Variants in GLDC observed in about 807,000 individuals in gnomAD.
The protein encoded by GLDC is glycine dehydrogenase (decarboxylating), mitochondrial.
In GLDC, 104 loss-of-function variants were observed where a neutral mutation model predicts 121.3. That is an observed-to-expected ratio of 0.86 (90% confidence interval 0.73 to 1.01). The LOEUF is 1.01. Ranked by LOEUF, GLDC falls within the 50% of genes least tolerant of loss-of-function variation. The probability of loss-of-function intolerance (pLI) is 0.00; values close to 1 mark genes in which losing one functional copy is unlikely to be tolerated. For missense variants in GLDC, 1,429 were observed against 1,306.6 expected, an observed-to-expected ratio of 1.09 and a Z score of -1.44; for synonymous variants, 546 against 480.6, an observed-to-expected ratio of 1.14 and a Z score of -1.78.
intron 22 of GLDC, among the ~76,000 whole-genome samples, chr9:6,539,434 A>AC (rs1262548901): frequency 6.6e-6 from 1 of 152,136 alleles, no homozygotes; most frequent in Non-Finnish European, 1.5e-5. Context: ...AGCTGAGATC[A>AC]CATCACTGCA....
intron 11 of GLDC, 43 bp from the exon 12 acceptor site, chr9:6,589,335 G>A: frequency 8.3e-7 from 1 of 1,207,912 alleles, no homozygotes. Flanking sequence ...AACTGTGCCT[G>A]GAGCCACATG....
At chr9:6,607,580 T>TTAAA (rs368698305) in intron 4 of GLDC, among the ~76,000 whole-genome samples, 1 of 152,098 alleles carries the variant, frequency 6.6e-6, no homozygotes. Flanking sequence ...AGACTCTGTC[T>TTAAA]TAAATAAATA....
At chr9:6,599,524 C>A (rs189265250) in intron 8 of GLDC, among the ~76,000 whole-genome samples, 151 of 152,084 alleles carry the variant, frequency 9.9e-4, no homozygotes, top group Non-Finnish European at 1.6e-3. Context: ...AGTTCGAGAC[C>A]AGCCTGACCA....
intron 7 of GLDC, among the ~76,000 whole-genome samples, chr9:6,603,033 G>T (rs1216391861): frequency 1.3e-5 from 2 of 152,038 alleles, no homozygotes; most frequent in Non-Finnish European, 2.9e-5. Context: ...TTTGAGACCA[G>T]CCTGGCCAAC....
At chr9:6,643,534 A>ATT (rs35783846) in intron 2 of GLDC, among the ~76,000 whole-genome samples, 140 of 150,732 alleles carry the variant, frequency 9.3e-4, no homozygotes, top group African/African-American at 3.2e-3. Context: ...ACCAGATGAG[A>ATT]TTTTTTTTAA....
chr9:6,534,900 T>G (rs1201959662), intron 23 of GLDC, 112 bp from the exon 24 acceptor site: 5 of 709,912 alleles, frequency 7.0e-6, no homozygotes, highest in Admixed American at 2.0e-5. Context: ...AGAAAGCTGT[T>G]GTTTTCTTTC....
At chr9:6,620,099 T>C (rs1365269027) in intron 3 of GLDC, 85 bp downstream of exon 3, 1 of 1,365,526 alleles carries the variant, frequency 7.3e-7, no homozygotes, top group Admixed American at 1.7e-5. Context: ...GTGTGGAGGC[T>C]CTGAGACTGC....
Position 6,605,173 on chromosome 9 carries a change from C to T in GLDC, c.819G>A (p.Val273=), listed in dbSNP as rs2129898179. 1 of 1,613,474 alleles carries T rather than the reference C, an allele frequency of 6.2e-7. No individual in the cohort carries two copies. The highest frequency in any genetic ancestry group is 8.5e-7 in the Non-Finnish European group (1 of 1,179,916). ...TCTCCACGAGTTCCGTAAAGTCTTC[C>T]ACCTTCCCCTCCGTGTCTGGGTACT... is the stretch of plus-strand genomic sequence containing the variant. ...LFQYPDTEGK[V]EDFTELVERA... The change falls in exon 6 of 25, where the codon GTG becomes GTA. Residue 273 remains valine (V), a synonymous_variant. Transcript: ENST00000321612.
intron 17 of GLDC, chr9:6,558,138 T>G: frequency 3.5e-6 from 1 of 287,716 alleles, no homozygotes; most frequent in East Asian, 6.8e-5. Flanking sequence ...GAAACCAAGC[T>G]GCATGATGCC....
intron 19 of GLDC, 39 bp downstream of exon 19, chr9:6,554,630 T>C: frequency 7.2e-7 from 1 of 1,391,320 alleles, no homozygotes; most frequent in Non-Finnish European, 1.0e-6. Flanking sequence ...CTTCATTCTG[T>C]CTCCAAAGCC....
intron 15 of GLDC, chr9:6,569,296 G>T (rs527310005): frequency 1.3e-5 from 2 of 152,170 alleles, no homozygotes; most frequent in African/African-American, 4.8e-5. Flanking sequence ...AAATTTTAAA[G>T]ATTTTAAAAA....
chr9:6,601,282 C>T (rs908932732), intron 8 of GLDC, among the ~76,000 whole-genome samples: 27 of 152,218 alleles, frequency 1.8e-4, no homozygotes, highest in African/African-American at 6.3e-4. Flanking sequence ...TTGCCTTCCT[C>T]AACCCATTCC....
At chr9:6,644,389 C>T in intron 2 of GLDC, 1 of 601,324 alleles carries the variant, frequency 1.7e-6, no homozygotes, top group East Asian at 2.8e-5. Context: ...AGGATAAAGA[C>T]CAAGAACCGC....
chr9:6,639,669 G>GTGTATATATATATATATATATATATA (rs1790395330), intron 2 of GLDC: 1 of 212,444 alleles, frequency 4.7e-6, no homozygotes, highest in East Asian at 1.4e-4. Context: ...TAAAAAAAAA[G>GTGTATATATATATATATATATATATA]TATATATATA....
intron 3 of GLDC, among the ~76,000 whole-genome samples, chr9:6,619,564 C>T (rs1198833847): frequency 2.0e-5 from 3 of 152,092 alleles, no homozygotes; most frequent in East Asian, 1.9e-4. Flanking sequence ...CCCATCTCTA[C>T]TAAAAATACA....
At chr9:6,534,564 G>A in intron 24 of GLDC, 144 bp downstream of exon 24, 1 of 653,242 alleles carries the variant, frequency 1.5e-6, no homozygotes. Flanking sequence ...CAATTTCTTT[G>A]CTCCTCATTC....
chr9:6,630,594 G>C lies in GLDC; in HGVS notation c.335-10275C>G, dbSNP rs538442514. Among the ~76,000 whole-genome samples, 11 of 152,312 alleles carry C rather than the reference G, an allele frequency of 7.2e-5. No individual in the cohort carries two copies. The East Asian group carries it at 2.1e-3, about 29-fold the overall frequency. On this transcript the variant is annotated intron_variant, in intron 2 of 24. Transcript: ENST00000321612. Reference sequence around the variant, plus strand: ...TTGAGAAAGGCCTTTCTCTGCTAGAGGGTAAGGGGAAAGCTGGGGCCAGAA... The same window carrying C: ...TTGAGAAAGGCCTTTCTCTGCTAGACGGTAAGGGGAAAGCTGGGGCCAGAA...
rs55988287 is a variant in GLDC at position 6,644,050 on chromosome 9, A to AAAAAAAAAAAAAAAAAC, written c.334+563_334+564insGTTTTTTTTTTTTTTTT. Among the ~76,000 whole-genome samples the AAAAAAAAAAAAAAAAAC allele has an allele frequency of 1.4e-4, 13 of 92,734 alleles. 1 individual carries two copies. The highest frequency in any genetic ancestry group is 4.3e-4 in the African/African-American group (9 of 20,944). The allele number at this position is 92,734 out of a possible 152,430, so 60.8% of individuals were successfully genotyped here. A position where few individuals can be genotyped will look rare whatever the true frequency, so the allele number is the denominator to read the frequency against. Reference sequence around the variant, plus strand: ...GTCTCAAAAAAAAAAAAAAAAAAAAACGAAAAAAAAAAGAAAAGAAAAGAA... The same window carrying AAAAAAAAAAAAAAAAAC: ...GTCTCAAAAAAAAAAAAAAAAAAAAAAAAAAAAAAAAAAAAACCGAAAAAAAAAAGAAAAGAAAAGAA... On this transcript the variant is annotated intron_variant, in intron 2 of 24. Coordinates refer to ENST00000321612, the MANE Select transcript of GLDC (RefSeq NM_000170.3).
intron 21 of GLDC, among the ~76,000 whole-genome samples, chr9:6,543,268 G>A (rs961553644): frequency 3.3e-4 from 50 of 152,228 alleles, no homozygotes; most frequent in African/African-American, 1.0e-3. Flanking sequence ...AAGCAAGACC[G>A]TCTCTTAAAC....
Sources: gnomAD v4.1 joint callset for allele counts (sites outside exome capture counted in the v4.1 genomes callset) on GRCh38, gnomAD v4.1.1 for gene constraint, MANE v1.5 for transcripts, NCBI Gene and HGNC (gene_info 2026-07-23, HGNC 2026-07-21) for gene names.